Variants in ZNF638 observed in about 807,000 individuals in gnomAD.
ZNF638 encodes zinc finger protein 638, also known as CTCL tumor antigen se33-1.
A neutral mutation model predicts 195.6 loss-of-function variants in ZNF638; 46 were observed. The observed-to-expected ratio is 0.24, with a 90% CI of 0.19 to 0.30. ZNF638 has a LOEUF of 0.30. Ranked by LOEUF, ZNF638 falls within the 10% of genes least tolerant of loss-of-function variation. The probability of loss-of-function intolerance (pLI) is 1.00; values close to 1 mark genes in which losing one functional copy is unlikely to be tolerated. For missense variants in ZNF638, 2,440 were observed against 2,325.3 expected (o/e 1.05, Z -1.01); for synonymous variants, 845 against 772.0 (o/e 1.09, Z -1.57).
At chr2:71,360,088 CAT>C (rs1449839702) in intron 3 of ZNF638, among the ~76,000 whole-genome samples, 4 of 152,182 alleles carry the variant, frequency 2.6e-5, no homozygotes, top group African/African-American at 4.8e-5. Flanking sequence ...TCATGCAGCA[CAT>C]AGTTAAATGG....
rs144119655 is a variant in ZNF638, at chr2:71,344,430, G to T, written c.-202-4323G>T. Among the ~76,000 whole-genome samples, 844 of 152,228 alleles carry T rather than the reference G, an allele frequency of 5.5e-3. 5 individuals are homozygous for T. Among genetic ancestry groups the T allele is most frequent in the African/African-American group, 0.019 (801 of 41,538 alleles). ...TTCAAGAGATTTCTAACTATATATT[G>T]TATCATTTTGGTTACCCTAATTTCA... is the stretch of plus-strand genomic sequence containing the variant. On this transcript the variant is annotated intron_variant, in intron 1 of 27. Transcript: ENST00000264447.
intron 1 of ZNF638, among the ~76,000 whole-genome samples, chr2:71,343,349 A>G (rs1056326085): frequency 6.6e-6 from 1 of 152,176 alleles, no homozygotes; most frequent in Non-Finnish European, 1.5e-5. Flanking sequence ...TCCACTAAAA[A>G]CAAAAAGGGG....
At chr2:71,334,921 C>CAAA in intron 1 of ZNF638, among the ~76,000 whole-genome samples, 1 of 106,752 alleles carries the variant, frequency 9.4e-6, no homozygotes, top group African/African-American at 3.5e-5. Flanking sequence ...ACTCCGTCTC[C>CAAA]AAAAAAAAAA....
rs761456759 is a variant in ZNF638, at chr2:71,405,634, G to A, written c.2992G>A (p.Asp998Asn). Reference sequence around the variant, plus strand: ...ATTTATAACCTTGGTAAAAGAAAATGACCCAGAGGTAAGTTTTGCATTTAA... The same window carrying A: ...ATTTATAACCTTGGTAAAAGAAAATAACCCAGAGGTAAGTTTTGCATTTAA... ...AIFITLVKENDPEANIDTIYD... is the reference protein window; with the variant it reads ...AIFITLVKENNPEANIDTIYD... Residue 998 changes from aspartate to asparagine, a missense_variant, in exon 18 of 28, where the codon GAC becomes AAC. Coordinates refer to ENST00000264447, the MANE Select transcript of ZNF638 (RefSeq NM_014497.5). The A allele has an allele frequency of 1.1e-5, 17 of 1,567,072 alleles. No homozygotes were observed. The African/African-American group carries it at 2.2e-4, about 20-fold the overall frequency.
Position 71,372,326 on chromosome 2 carries a change from G to A in ZNF638, c.2265+2321G>A, listed in dbSNP as rs112981016. Among the ~76,000 whole-genome samples, 213 of 152,242 alleles carry A rather than the reference G, an allele frequency of 1.4e-3. 2 individuals carry two copies. The highest frequency in any genetic ancestry group is 4.6e-3 in the African/African-American group (192 of 41,526). ...CCAAGAAATTCAGATTCTTATTGCC[G>A]GGATGGATGAGTCCTCTTTGGCTAG... is the stretch of plus-strand genomic sequence containing the variant. On this transcript the variant is annotated intron_variant, in intron 8 of 27. Coordinates refer to ENST00000264447, the MANE Select transcript of ZNF638 (RefSeq NM_014497.5).
At chr2:71,432,040 C>G (rs997691102) in intron 26 of ZNF638, among the ~76,000 whole-genome samples, 1 of 152,150 alleles carries the variant, frequency 6.6e-6, no homozygotes, top group Non-Finnish European at 1.5e-5. Flanking sequence ...TCCAGTTAAG[C>G]AGAACATGCT....
chr2:71,377,242 G>T (rs2079447627), intron 8 of ZNF638, among the ~76,000 whole-genome samples: 1 of 152,126 alleles, frequency 6.6e-6, no homozygotes, highest in African/African-American at 2.4e-5. Flanking sequence ...CAACAAAAGG[G>T]AGCTGGGGGA....
In ZNF638 at chr2:71,428,905, A is replaced by T. The variant is rs188042247; in HGVS notation, c.5650+254A>T. The T allele has an allele frequency of 8.4e-5, 25 of 299,284 alleles. No homozygotes were observed. The Admixed American group carries it at 9.8e-4, about 12-fold the overall frequency. 18.5% of individuals were successfully genotyped at this position (299,284 alleles called of 1,614,324 possible). A position where few individuals can be genotyped will look rare whatever the true frequency, so the allele number is the denominator to read the frequency against. ...TTTTCTGACCATGTTGCAGCATCAG[A>T]TAGAAATTATTTATTAACTAGCTAT... On this transcript the variant is annotated intron_variant, in intron 25 of 27. Transcript: ENST00000264447.
rs552938617 is a variant in ZNF638, at chr2:71,355,611, CGTTT to C, written c.1318-103_1318-100del. The C allele has an allele frequency of 5.0e-6, 4 of 804,452 alleles. No homozygotes were observed. In the African/African-American group the frequency reaches 7.2e-5, roughly 15 times the overall value. 49.8% of individuals were successfully genotyped at this position (804,452 alleles called of 1,614,324 possible). ...AGCAGCCAAATGCTATTTATGAGTA[CGTTT>C]GTTTAATTTTTGAACAAAATATTAT... is the stretch of plus-strand genomic sequence containing the variant. On this transcript the variant is annotated intron_variant, in intron 2 of 27. Coordinates refer to ENST00000264447, the MANE Select transcript of ZNF638 (RefSeq NM_014497.5).
chr2:71,394,808 G>A (rs773405872), intron 10 of ZNF638, among the ~76,000 whole-genome samples: 10 of 152,076 alleles, frequency 6.6e-5, no homozygotes, highest in Non-Finnish European at 7.4e-5. Context: ...TAGATAACTT[G>A]GCCAGAAATG....
At chr2:71,368,826 T>C (rs1319993716) in intron 7 of ZNF638, among the ~76,000 whole-genome samples, 2 of 152,276 alleles carry the variant, frequency 1.3e-5, no homozygotes, top group South Asian at 2.1e-4. Flanking sequence ...ATAAGTAATA[T>C]GTAAATGCGC....
chr2:71,405,979 G>A, intron 18 of ZNF638, 149 bp from the exon 19 acceptor site: 2 of 814,164 alleles, frequency 2.5e-6, no homozygotes, highest in Non-Finnish European at 3.9e-6. Context: ...GTAAAATTAA[G>A]ACCTCACTGT....
chr2:71,367,431 ATTTTTTTTT>A (rs3077439), intron 6 of ZNF638, among the ~76,000 whole-genome samples: 1 of 112,722 alleles, frequency 8.9e-6, no homozygotes, highest in African/African-American at 3.5e-5. Flanking sequence ...GGGTGTTTTA[ATTTTTTTTT>A]TTTTTTTTTT....
In ZNF638 at chr2:71,427,054, G is replaced by C; in HGVS notation, c.5185G>C (p.Asp1729His). The C allele has an allele frequency of 6.2e-7, 1 of 1,613,990 alleles. No individual in the cohort carries two copies. The highest frequency in any genetic ancestry group is 1.1e-5 in the South Asian group (1 of 91,042). The change falls in exon 24 of 28, where the codon GAC becomes CAC. Residue 1729 changes from aspartate to histidine, a missense_variant. Physicochemically the swap from Asp to His is moderately conservative, Grantham distance 81. This residue lies in a region of ZNF638 where 1,883 missense variants were observed against 1,739.1 expected (regional missense o/e 1.08). Transcript: ENST00000264447. The part of the protein sequence containing the change: ...IGFISSQVPE[D>H]PSTLVTVDEI... ...CTTCATTTCTTCTCAGGTGCCCGAA[G>C]ACCCTTCTACTTTAGTTACTGTAGA...
intron 7 of ZNF638, among the ~76,000 whole-genome samples, chr2:71,368,767 C>T (rs934247264): frequency 1.3e-5 from 2 of 152,218 alleles, no homozygotes; most frequent in Admixed American, 1.3e-4. Context: ...TATAAGCCAT[C>T]TGTAGGATCT....
chr2:71,366,236 G>C (rs895442811), intron 6 of ZNF638, among the ~76,000 whole-genome samples: 42 of 151,970 alleles, frequency 2.8e-4, no homozygotes, highest in African/African-American at 9.9e-4. Flanking sequence ...AGTAGTCCCA[G>C]CTACTTGGGA....
intron 1 of ZNF638, among the ~76,000 whole-genome samples, chr2:71,335,852 T>TC (rs1227933457): frequency 6.6e-6 from 1 of 152,166 alleles, no homozygotes; most frequent in Non-Finnish European, 1.5e-5. Flanking sequence ...ACTCACTACC[T>TC]CCCACCCCCA....
chr2:71,406,015 C>T, intron 18 of ZNF638, 113 bp from the exon 19 acceptor site: 1 of 1,276,710 alleles, frequency 7.8e-7, no homozygotes. Flanking sequence ...CATTTTCTTA[C>T]TCTTGGGAGA....
At chr2:71,381,253 G>A (rs540000476) in intron 10 of ZNF638, among the ~76,000 whole-genome samples, 2 of 152,100 alleles carry the variant, frequency 1.3e-5, no homozygotes. Flanking sequence ...CGTTTTGTAT[G>A]TTCTGTTTGG....
Sources: gnomAD v4.1 joint callset for allele counts (sites outside exome capture counted in the v4.1 genomes callset) on GRCh38, gnomAD v4.1.1 for gene constraint, gnomAD v4.1.1 regional missense constraint, MANE v1.5 for transcripts, NCBI Gene and HGNC (gene_info 2026-07-23, HGNC 2026-07-21) for gene names.